The following ITPR1 variants were observed in gnomAD, a reference collection of about 807,000 sequenced individuals.
ITPR1 encodes inositol 1,4,5-trisphosphate receptor type 1, also known as inositol 1,4,5-trisphosphate-gated calcium channel ITPR1.
In ITPR1, 96 loss-of-function variants were observed where a neutral mutation model predicts 318.4. That is an observed-to-expected ratio of 0.30 (90% CI 0.26 to 0.36). The LOEUF is 0.36. Among genes scored for constraint, ITPR1 ranks in the 10% least tolerant of loss-of-function variants. ITPR1 has a pLI of 1.00. For missense variants in ITPR1, 2,440 were observed against 3,460.2 expected, an observed-to-expected ratio of 0.71 and a Z score of 7.40; for synonymous variants, 1,312 against 1,289.9, an observed-to-expected ratio of 1.02 and a Z score of -0.37.
rs11446330 is a variant in ITPR1 at position 4,661,174 on chromosome 3, C to CT, written c.1251+87_1251+88insT. ...TGAGGACAGATCAGGGAGTATGGAG[C>CT]GTGGAGATTTGTTGCTTTGGCGAGA... On this transcript the variant is annotated intron_variant, in intron 14 of 61. Transcript: ENST00000649015. The CT allele has an allele frequency of 0.054, 39,284 of 729,896 alleles. 4,228 individuals carry two copies. The highest frequency in any genetic ancestry group is 0.35 in the African/African-American group (19,472 of 56,266). 45.2% of individuals were successfully genotyped at this position (729,896 alleles called of 1,614,324 possible). A position where few individuals can be genotyped will look rare whatever the true frequency, so the allele number is the denominator to read the frequency against.
At chr3:4,697,442 G>C (rs2094577870) in intron 34 of ITPR1, among the ~76,000 whole-genome samples, 170 bp downstream of exon 34, 1 of 110,224 alleles carries the variant, frequency 9.1e-6, no homozygotes, top group South Asian at 2.6e-4. Context: ...TTCTTCTCAT[G>C]TATCCTTTCT....
At chr3:4,700,558 A>T (rs2094631604) in intron 35 of ITPR1, among the ~76,000 whole-genome samples, 1 of 152,214 alleles carries the variant, frequency 6.6e-6, no homozygotes, top group South Asian at 2.1e-4. Flanking sequence ...GATGGGATGT[A>T]AAAGAGGCAG....
At chr3:4,496,009 A>G (rs1324795867) in intron 2 of ITPR1, among the ~76,000 whole-genome samples, 7 of 152,250 alleles carry the variant, frequency 4.6e-5, no homozygotes, top group Admixed American at 4.6e-4. Flanking sequence ...TTGAGGAGGT[A>G]TTAGATACTG....
intron 41 of ITPR1, 77 bp from the exon 42 acceptor site, chr3:4,727,049 T>G: frequency 8.5e-7 from 1 of 1,179,516 alleles, no homozygotes; most frequent in Non-Finnish European, 1.2e-6. Flanking sequence ...CTCAATGTAT[T>G]TTATATGTGA....
chr3:4,842,098 G>A (rs1359312885), intron 61 of ITPR1, among the ~76,000 whole-genome samples: 1 of 152,224 alleles, frequency 6.6e-6, no homozygotes, highest in Non-Finnish European at 1.5e-5. Context: ...TCCTTCCAGT[G>A]CCAGCCTTTA....
At chr3:4,842,787 T>G (rs1575448384) in intron 61 of ITPR1, among the ~76,000 whole-genome samples, 3 of 152,218 alleles carry the variant, frequency 2.0e-5, no homozygotes, top group African/African-American at 7.2e-5. Flanking sequence ...GTTTCAGATG[T>G]CCAGAGAGAC....
At position 4,674,164 on chromosome 3, in the gene ITPR1, T is replaced by C. The variant is rs1293715286; in HGVS notation, c.2457-38T>C. ...CCAGGAAGACCTCTCTGGGAATAACTTGAAATTTTGTTTCCTTTCTTTCTC... is the reference window on the plus strand; with the variant it reads ...CCAGGAAGACCTCTCTGGGAATAACCTGAAATTTTGTTTCCTTTCTTTCTC... On this transcript the variant is annotated intron_variant, in intron 21 of 61. Coordinates refer to ENST00000649015, the MANE Select transcript of ITPR1 (RefSeq NM_001378452.1). 6 of 1,525,410 alleles carry C rather than the reference T, an allele frequency of 3.9e-6. No individual in the cohort carries two copies. The East Asian group carries it at 9.9e-5, about 25-fold the overall frequency. The allele number at this position is 1,525,410 out of a possible 1,614,324, so 94.5% of individuals were successfully genotyped here.
At chr3:4,626,761 C>G (rs1452961082) in intron 4 of ITPR1, among the ~76,000 whole-genome samples, 2 of 152,152 alleles carry the variant, frequency 1.3e-5, no homozygotes, top group African/African-American at 4.8e-5. Flanking sequence ...AGAAGGTCAT[C>G]TTGCACACAG....
chr3:4,705,063 TTG>T (rs2094728863), intron 36 of ITPR1, among the ~76,000 whole-genome samples: 2 of 152,184 alleles, frequency 1.3e-5, no homozygotes, highest in African/African-American at 4.8e-5. Context: ...ATTTAAATAA[TTG>T]CTTCTCAGAT....
At chr3:4,600,105 A>G (rs906965979) in intron 4 of ITPR1, among the ~76,000 whole-genome samples, 2 of 152,248 alleles carry the variant, frequency 1.3e-5, no homozygotes, top group African/African-American at 2.4e-5. Flanking sequence ...GCTCTTTCAC[A>G]TAGCATAAGT....
At chr3:4,685,343 G>A (rs1346554084) in intron 30 of ITPR1, 137 bp downstream of exon 30, 9 of 826,626 alleles carry the variant, frequency 1.1e-5, no homozygotes, top group Non-Finnish European at 1.6e-5. Context: ...GCAATTTCAG[G>A]TATTGATATG....
intron 4 of ITPR1, among the ~76,000 whole-genome samples, chr3:4,523,410 C>T (rs2082717276): frequency 7.1e-6 from 1 of 140,988 alleles, no homozygotes; most frequent in Non-Finnish European, 1.5e-5. Context: ...TTCATATATA[C>T]ATTACCTCAC....
In ITPR1 at chr3:4,733,200, C is replaced by G; in HGVS notation, c.5333C>G (p.Pro1778Arg). 6.2e-7 allele frequency: 1 copy of G among 1,613,938 alleles called. No homozygotes were observed. The highest frequency in any genetic ancestry group is 1.1e-5 in the South Asian group (1 of 91,076). ...FGNGPLSAGG[P>R]GKPGGGGGGS... ...AATGGCCCACTGTCAGCAGGAGGAC[C>G]CGGCAAGCCCGGGGGAGGAGGTACG... The change falls in exon 43 of 62, where the codon CCC becomes CGC. Residue 1778 changes from proline (P) to arginine (R), a missense_variant. Physicochemically the swap from Pro to Arg is moderately radical, Grantham distance 103. This residue lies in a region of ITPR1 where 166 missense variants were observed against 143.7 expected (regional missense o/e 1.16). Coordinates refer to ENST00000649015, the MANE Select transcript of ITPR1 (RefSeq NM_001378452.1).
intron 10 of ITPR1, among the ~76,000 whole-genome samples, chr3:4,647,341 A>T (rs145797722): frequency 1.3e-5 from 2 of 152,218 alleles, no homozygotes; most frequent in Non-Finnish European, 2.9e-5. Flanking sequence ...GGCTATTTCA[A>T]ATAAAGCTTC....
chr3:4,733,445 C>T (rs896985729), intron 43 of ITPR1, among the ~76,000 whole-genome samples: 1 of 152,112 alleles, frequency 6.6e-6, no homozygotes, highest in Non-Finnish European at 1.5e-5. Context: ...AAGCCTTTTG[C>T]TCCTCCTTCC....
At chr3:4,730,289 G>GTA (rs1219978670) in intron 42 of ITPR1, among the ~76,000 whole-genome samples, 2 of 147,494 alleles carry the variant, frequency 1.4e-5, no homozygotes, top group African/African-American at 2.5e-5. Context: ...GTGTGTGTGT[G>GTA]TATGTGTGTA....
chr3:4,809,160 G>A (rs1366460412), intron 55 of ITPR1, among the ~76,000 whole-genome samples: 1 of 152,200 alleles, frequency 6.6e-6, no homozygotes, highest in Non-Finnish European at 1.5e-5. Context: ...TTCTTTACTA[G>A]TGGTGAATGT....
At chr3:4,528,874 T>G (rs1015965491) in intron 4 of ITPR1, among the ~76,000 whole-genome samples, 6 of 152,212 alleles carry the variant, frequency 3.9e-5, no homozygotes, top group Admixed American at 6.5e-5. Context: ...TCATTTCAGA[T>G]TTACTAGTTT....
At chr3:4,804,744 A>T (rs1454790740) in intron 54 of ITPR1, among the ~76,000 whole-genome samples, 1 of 152,150 alleles carries the variant, frequency 6.6e-6, no homozygotes, top group Non-Finnish European at 1.5e-5. Flanking sequence ...CCACTAGCAA[A>T]GGTGAGAATT....
Sources: allele counts gnomAD v4.1 joint callset (sites outside exome capture counted in the v4.1 genomes callset), GRCh38; gene constraint gnomAD v4.1.1; regional missense constraint gnomAD v4.1.1; transcripts MANE v1.5; gene names NCBI Gene and HGNC (gene_info 2026-07-23, HGNC 2026-07-21).